CDH4: variants seen among roughly 807,000 people sequenced by gnomAD.
CDH4 encodes cadherin-4.
Under a neutral mutation model 86.0 loss-of-function variants are expected in CDH4, and 33 were observed. The ratio of observed to expected loss-of-function variants is 0.38; its 90% CI spans 0.29 to 0.51. The LOEUF (loss-of-function observed/expected upper bound fraction) is 0.51. Ranked by LOEUF, CDH4 falls within the 20% of genes least tolerant of loss-of-function variation. The pLI is 0.86. For synonymous variants in CDH4, 555 were observed against 549.4 expected, an observed-to-expected ratio of 1.01 and a Z score of -0.14; for missense variants, 1,114 against 1,307.4, an observed-to-expected ratio of 0.85 and a Z score of 2.28.
intron 2 of CDH4, among the ~76,000 whole-genome samples, chr20:61,315,288 C>T (rs1172069673): frequency 6.6e-6 from 1 of 152,114 alleles, no homozygotes; most frequent in African/African-American, 2.4e-5. Context: ...CTCCTCTGGG[C>T]ATGAGGCAGG....
At chr20:61,583,187 TCTGCGGAGGGACAGAGGGC>T (rs2086443437) in intron 2 of CDH4, among the ~76,000 whole-genome samples, 2 of 95,084 alleles carry the variant, frequency 2.1e-5, no homozygotes, top group African/African-American at 4.7e-5. Flanking sequence ...GACAGAGGGC[TCTGCGGAGGGACAGAGGGC>T]TCTGCGGGGG....
chr20:61,790,923 C>T (rs1353366005), intron 4 of CDH4, among the ~76,000 whole-genome samples: 6 of 151,994 alleles, frequency 3.9e-5, no homozygotes, highest in East Asian at 1.9e-4. Flanking sequence ...TACACCCATT[C>T]GTTCATCTCT....
chr20:61,690,061 C>T (rs1042850942), intron 2 of CDH4, among the ~76,000 whole-genome samples: 1 of 142,450 alleles, frequency 7.0e-6, no homozygotes, highest in Non-Finnish European at 1.5e-5. Flanking sequence ...CCGGCAGGGA[C>T]GGTGAGTTGG....
At chr20:61,654,966 T>C (rs2087171688) in intron 2 of CDH4, among the ~76,000 whole-genome samples, 2 of 152,128 alleles carry the variant, frequency 1.3e-5, no homozygotes, top group Admixed American at 6.5e-5. Context: ...CCTGAGCCCA[T>C]GGAAACGCGT....
chr20:61,484,645 G>A (rs749684823), intron 2 of CDH4, among the ~76,000 whole-genome samples: 13 of 152,232 alleles, frequency 8.5e-5, no homozygotes, highest in South Asian at 2.1e-4. Flanking sequence ...TTTGCTGGGC[G>A]TGCAAGGCCT....
intron 11 of CDH4, among the ~76,000 whole-genome samples, chr20:61,926,447 GTCCACA>G: frequency 6.6e-6 from 1 of 152,202 alleles, no homozygotes; most frequent in African/African-American, 2.4e-5. Context: ...CCCTGCCAGG[GTCCACA>G]GAGCCCGGGC....
chr20:61,599,255 C>T (rs1301579554), intron 2 of CDH4, among the ~76,000 whole-genome samples: 2 of 152,158 alleles, frequency 1.3e-5, no homozygotes, highest in African/African-American at 4.8e-5. Flanking sequence ...AGGGCTGTGC[C>T]CTCTTTCACC....
chr20:61,338,618 C>G (rs945729584), intron 2 of CDH4, among the ~76,000 whole-genome samples: 3 of 152,100 alleles, frequency 2.0e-5, no homozygotes, highest in African/African-American at 7.2e-5. Flanking sequence ...TCTTCCCTGA[C>G]CCTCCAGACT....
rs565382516 is a variant in CDH4, at chr20:61,409,634, G to A, written c.169+154697G>A. Among the ~76,000 whole-genome samples, 6 of 152,366 alleles carry A rather than the reference G, an allele frequency of 3.9e-5. No individual in the cohort carries two copies. In the South Asian group the frequency reaches 1.0e-3, roughly 26 times the overall value. Reference sequence around the variant, plus strand: ...GGACCCCGATGCATGTCCTAAGCAGGCAGAGCCGCTGCGTGTGACACAGGT... The same window carrying A: ...GGACCCCGATGCATGTCCTAAGCAGACAGAGCCGCTGCGTGTGACACAGGT... On this transcript the variant is annotated intron_variant, in intron 2 of 15. Coordinates refer to ENST00000614565, the MANE Select transcript of CDH4 (RefSeq NM_001794.5).
rs184489399 is a variant in CDH4 at position 61,895,155 on chromosome 20, G to A, written c.1188+108G>A. The A allele has an allele frequency of 3.6e-4, 482 of 1,342,004 alleles. 15 individuals are homozygous for A. The Admixed American group carries it at 9.8e-3, about 27-fold the overall frequency. The allele number at this position is 1,342,004 out of a possible 1,614,324, so 83.1% of individuals were successfully genotyped here. A position where few individuals can be genotyped will look rare whatever the true frequency, so the allele number is the denominator to read the frequency against. ...CTGCGGCTCTGCCTGACGGGCACTT[G>A]GCAGATAGCGTGTAAGAAAGGCCCT... On this transcript the variant is annotated intron_variant, in intron 8 of 15. Coordinates refer to ENST00000614565, the MANE Select transcript of CDH4 (RefSeq NM_001794.5).
intron 4 of CDH4, among the ~76,000 whole-genome samples, chr20:61,800,095 C>T (rs566335976): frequency 6.6e-6 from 1 of 152,338 alleles, no homozygotes; most frequent in African/African-American, 2.4e-5. Flanking sequence ...TGGTCCAGGG[C>T]CGGGTGGGGC....
At chr20:61,297,248 C>T (rs1474054974) in intron 2 of CDH4, among the ~76,000 whole-genome samples, 1 of 152,002 alleles carries the variant, frequency 6.6e-6, no homozygotes, top group South Asian at 2.1e-4. Flanking sequence ...TGGCCACGCA[C>T]GGTGGCATGT....
rs555418715 is a variant in CDH4, at chr20:61,886,449, G to C, written c.1051-8461G>C. On this transcript the variant is annotated intron_variant, in intron 7 of 15. Coordinates refer to ENST00000614565, the MANE Select transcript of CDH4 (RefSeq NM_001794.5). ...CTTCCCTCCTCTTGAACTTGAAAATGGCCAAATCACTTTTTAATGAATTCT... is the reference window on the plus strand; with the variant it reads ...CTTCCCTCCTCTTGAACTTGAAAATCGCCAAATCACTTTTTAATGAATTCT... 6.6e-5 allele frequency among the ~76,000 whole-genome samples: 10 copies of C among 152,342 alleles called. No individual in the cohort carries two copies. The East Asian group carries it at 1.9e-3, about 29-fold the overall frequency.
chr20:61,543,598 T>C (rs556718947), intron 2 of CDH4, among the ~76,000 whole-genome samples: 1 of 152,274 alleles, frequency 6.6e-6, no homozygotes, highest in East Asian at 1.9e-4. Flanking sequence ...AAAATAATAA[T>C]AGCAACAAAG....
chr20:61,638,672 C>T (rs561581789), intron 2 of CDH4, among the ~76,000 whole-genome samples: 97 of 152,222 alleles, frequency 6.4e-4, no homozygotes, highest in South Asian at 1.2e-3. Context: ...CCTTTCCTTT[C>T]TTCCTCTCTG....
intron 2 of CDH4, among the ~76,000 whole-genome samples, chr20:61,566,772 C>T (rs1299993885): frequency 6.6e-6 from 1 of 152,170 alleles, no homozygotes; most frequent in Admixed American, 6.5e-5. Context: ...GCCGATTCTA[C>T]CGGGAGAAAG....
chr20:61,845,158 G>A (rs988477850), intron 5 of CDH4, among the ~76,000 whole-genome samples: 3 of 152,222 alleles, frequency 2.0e-5, no homozygotes, highest in Non-Finnish European at 4.4e-5. Context: ...GGCTCTGCGG[G>A]GCTGGGAGTC....
intron 4 of CDH4, among the ~76,000 whole-genome samples, chr20:61,808,683 T>G (rs1483134162): frequency 1.3e-5 from 2 of 152,240 alleles, no homozygotes; most frequent in Non-Finnish European, 2.9e-5. Flanking sequence ...GCTGTGAGCC[T>G]GCAACTGCCT....
At chr20:61,744,413 GGA>G (rs1283447922) in intron 3 of CDH4, among the ~76,000 whole-genome samples, 3 of 132,018 alleles carry the variant, frequency 2.3e-5, no homozygotes, top group South Asian at 2.7e-4. Context: ...AGAGGTGGAG[GGA>G]GAGAGAGAAG....
Sources: gnomAD v4.1 joint callset for allele counts (sites outside exome capture counted in the v4.1 genomes callset) on GRCh38, gnomAD v4.1.1 for gene constraint, MANE v1.5 for transcripts, NCBI Gene and HGNC (gene_info 2026-07-23, HGNC 2026-07-21) for gene names.